RGPD3: variants seen among roughly 807,000 people sequenced by gnomAD.
RGPD3 encodes the protein ranBP2-like and GRIP domain-containing protein 3.
A neutral mutation model predicts 154.5 loss-of-function variants in RGPD3; 62 were observed. The ratio of observed to expected loss-of-function variants is 0.40; its 90% CI spans 0.33 to 0.50. The LOEUF (loss-of-function observed/expected upper bound fraction) is 0.50. Ranked by LOEUF, RGPD3 falls within the 20% of genes least tolerant of loss-of-function variation. The pLI, the probability that RGPD3 is intolerant of heterozygous loss-of-function variation, is 0.59. For missense variants in RGPD3, 919 were observed against 1,716.8 expected, an observed-to-expected ratio of 0.54 and a Z score of 8.21; for synonymous variants, 308 against 607.0, an observed-to-expected ratio of 0.51 and a Z score of 7.24.
At chr2:106,467,522 CT>C (rs1183384084) in intron 1 of RGPD3, among the ~76,000 whole-genome samples, 1 of 56,792 alleles carries the variant, frequency 1.8e-5, no homozygotes, top group South Asian at 7.8e-4. Flanking sequence ...GAGGCCGCCG[CT>C]GGGCCGGGTT....
intron 1 of RGPD3, among the ~76,000 whole-genome samples, chr2:106,465,379 A>G (rs1558864173): frequency 6.6e-6 from 1 of 151,922 alleles, no homozygotes; most frequent in Non-Finnish European, 1.5e-5. Flanking sequence ...GGAAAAAAAG[A>G]CTCTAAGTGT....
At chr2:106,405,351 CT>C (rs1676479749) in intron 22 of RGPD3, 122 bp from the exon 23 acceptor site, 14 of 1,051,076 alleles carry the variant, frequency 1.3e-5, no homozygotes, top group Admixed American at 9.4e-5. Flanking sequence ...GATCACATGC[CT>C]TTTTTGTTGG....
intron 6 of RGPD3, among the ~76,000 whole-genome samples, chr2:106,450,166 T>A (rs555809514): frequency 1.7e-3 from 231 of 133,256 alleles, no homozygotes; most frequent in South Asian, 4.6e-3. Flanking sequence ...GATCACGAGG[T>A]CAGGAGATCG....
At chr2:106,468,757 G>C (rs1678731542), upstream of RGPD3, among the ~76,000 whole-genome samples, 1 of 131,516 alleles carries the variant, frequency 7.6e-6, no homozygotes, top group Non-Finnish European at 1.6e-5. Flanking sequence ...AGTACGGTGA[G>C]ATTGCCCCAC....
intron 20 of RGPD3, among the ~76,000 whole-genome samples, chr2:106,418,461 T>C (rs1198144047): frequency 6.6e-6 from 1 of 152,038 alleles, no homozygotes; most frequent in African/African-American, 2.4e-5. Flanking sequence ...TCGTAATTGT[T>C]GCTGCTCACA....
chr2:106,468,078 C>T, intron 1 of RGPD3, 139 bp downstream of exon 1: 1 of 1,136,488 alleles, frequency 8.8e-7, no homozygotes, highest in East Asian at 3.8e-5. Context: ...CAGGTCGAGG[C>T]CGCCGCCTCC....
In RGPD3 at chr2:106,416,011, A is replaced by G. The variant is rs1246856754; in HGVS notation, c.4925-22T>C. The G allele has an allele frequency of 1.9e-6, 3 of 1,611,272 alleles. No individual in the cohort carries two copies. In the South Asian group the frequency reaches 3.3e-5, roughly 18 times the overall value. On this transcript the variant is annotated intron_variant, in intron 20 of 22. Transcript: ENST00000409886. ...GGCTCTGCAACATGTTGTTCCAAGA[A>G]TTAATTTTCAAAATCATACATTACA...
intron 6 of RGPD3, among the ~76,000 whole-genome samples, chr2:106,448,313 T>C (rs1677997446): frequency 6.6e-6 from 1 of 152,356 alleles, no homozygotes; most frequent in Admixed American, 6.5e-5. Flanking sequence ...GGTTTTACTA[T>C]GTTGGCCAGG....
At chr2:106,441,757 G>A (rs1322471520) in intron 7 of RGPD3, among the ~76,000 whole-genome samples, 14 of 150,820 alleles carry the variant, frequency 9.3e-5, no homozygotes, top group Admixed American at 6.6e-5. Flanking sequence ...CCAGCTACAC[G>A]GGAGGCTGAG....
intron 9 of RGPD3, among the ~76,000 whole-genome samples, chr2:106,438,222 C>T (rs953504420): frequency 2.4e-4 from 36 of 152,192 alleles, no homozygotes; most frequent in East Asian, 7.8e-4. Context: ...GCCACTGTGT[C>T]GGGCTTAATC....
intron 22 of RGPD3, 193 bp downstream of exon 22, chr2:106,412,891 T>C (rs4497874): frequency 0.22 from 134,947 of 621,300 alleles, 18,421 homozygotes; most frequent in East Asian, 0.59. Flanking sequence ...AACGTTAAAA[T>C]TATATAAATG....
chr2:106,413,524 T>G (rs1676733725), intron 21 of RGPD3, among the ~76,000 whole-genome samples: 2 of 152,222 alleles, frequency 1.3e-5, no homozygotes, highest in Admixed American at 1.3e-4. Flanking sequence ...ATGAGATAGT[T>G]TCAAAGCTGC....
rs1205225365 is a variant in RGPD3 at position 106,424,314 on chromosome 2, T to C, written c.3653A>G (p.Glu1218Gly). ...FLTNDQTKVA[E>G]EENKGSGTGA... ...TGTACCTGAACCCTTATTTTCTTCC[T>C]CAGCGACTTTTGTTTGATCATTTGT... Residue 1218 changes from glutamate (E) to glycine (G), a missense_variant, in exon 20 of 23, where the codon GAG becomes GGG. Glu to Gly is a moderately conservative substitution (Grantham distance 98). Coordinates refer to ENST00000409886, the MANE Select transcript of RGPD3 (RefSeq NM_001144013.2). The C allele has an allele frequency of 6.2e-7, 1 of 1,611,990 alleles. No individual in the cohort carries two copies. The highest frequency in any genetic ancestry group is 1.7e-5 in the Admixed American group (1 of 60,010).
Position 106,414,296 on chromosome 2 carries a change from T to C in RGPD3, c.5065-1011A>G, listed in dbSNP as rs1307059441. 9.2e-5 allele frequency among the ~76,000 whole-genome samples: 14 copies of C among 152,154 alleles called. 1 individual carries two copies. Among genetic ancestry groups the C allele is most frequent in the African/African-American group, 2.7e-4 (11 of 41,506 alleles). On this transcript the variant is annotated intron_variant, in intron 21 of 22. Transcript: ENST00000409886. ...TTTAAAAAAGTGACAATAAAGAAGATGAAGAAATCATGAAGAGAGTATAAA... is the reference window on the plus strand; with the variant it reads ...TTTAAAAAAGTGACAATAAAGAAGACGAAGAAATCATGAAGAGAGTATAAA...
chr2:106,424,724 G>C lies in RGPD3; in HGVS notation c.3243C>G (p.Gly1081=), dbSNP rs746251444. The C allele has an allele frequency of 6.2e-7, 1 of 1,611,894 alleles. No individual in the cohort carries two copies. Among genetic ancestry groups the C allele is most frequent in the Admixed American group, 1.7e-5 (1 of 60,000 alleles). The change falls in exon 20 of 23, where the codon GGC becomes GGG. Residue 1081 remains glycine, a synonymous_variant. Coordinates refer to ENST00000409886, the MANE Select transcript of RGPD3 (RefSeq NM_001144013.2). The part of the protein sequence containing the change: ...DAEVSQWKER[G]LGNLKILKNE... ...TTTTGAGAATTTTTAAGTTCCCCAA[G>C]CCCCTTTCTTTCCACTGACTTACCT...
At chr2:106,416,055 G>A in intron 20 of RGPD3, 66 bp from the exon 21 acceptor site, 2 of 1,575,034 alleles carry the variant, frequency 1.3e-6, no homozygotes, top group Non-Finnish European at 1.7e-6. Context: ...TTCTAAATAA[G>A]AAAAATCTAA....
chr2:106,413,711 G>A (rs1032591182), intron 21 of RGPD3, among the ~76,000 whole-genome samples: 3 of 152,236 alleles, frequency 2.0e-5, no homozygotes, highest in East Asian at 3.9e-4. Context: ...AACAGATGAA[G>A]AGGTGGAAAT....
intron 1 of RGPD3, among the ~76,000 whole-genome samples, chr2:106,464,356 A>AG (rs1452326599): frequency 5.3e-4 from 77 of 144,310 alleles, no homozygotes; most frequent in Non-Finnish European, 1.0e-3. Context: ...AAAAAAAAAA[A>AG]GAAAAGAAAA....
chr2:106,424,618 T>C lies in RGPD3; in HGVS notation c.3349A>G (p.Thr1117Ala), dbSNP rs775483001. The C allele has an allele frequency of 2.5e-6, 4 of 1,611,890 alleles. No individual in the cohort carries two copies. The Admixed American group carries it at 5.0e-5, about 20-fold the overall frequency. Reference sequence around the variant, plus strand: ...CCAGAGAGGGGCTTCAGGTTCATTGTAGTCGTTATCCAATGATTAGCACAC... The same window carrying C: ...CCAGAGAGGGGCTTCAGGTTCATTGCAGTCGTTATCCAATGATTAGCACAC... The part of the protein sequence containing the change: ...KVCANHWITT[T>A]MNLKPLSGSD... The change falls in exon 20 of 23, where the codon ACA becomes GCA. Residue 1117 changes from threonine (T) to alanine (A), a missense_variant. Thr to Ala is a moderately conservative substitution (Grantham distance 58). Transcript: ENST00000409886.
Sources: gnomAD v4.1 joint callset for allele counts (sites outside exome capture counted in the v4.1 genomes callset) on GRCh38, gnomAD v4.1.1 for gene constraint, MANE v1.5 for transcripts, NCBI Gene and HGNC (gene_info 2026-07-23, HGNC 2026-07-21) for gene names.